Variants in ARIH1 observed in about 807,000 individuals in gnomAD.
The protein encoded by ARIH1 is E3 ubiquitin-protein ligase ARIH1.
Under a neutral mutation model 85.0 loss-of-function variants are expected in ARIH1, and 8 were observed. That is an observed-to-expected ratio of 0.09 (90% CI 0.06 to 0.17). ARIH1 has a LOEUF of 0.17. ARIH1 is among the 10% of genes least tolerant of loss of function. ARIH1 has a pLI of 1.00. For missense variants in ARIH1, 311 were observed against 718.1 expected, an observed-to-expected ratio of 0.43 and a Z score of 6.48; for synonymous variants, 238 against 253.6, an observed-to-expected ratio of 0.94 and a Z score of 0.59.
At chr15:72,546,089 C>G (rs916661510) in intron 3 of ARIH1, among the ~76,000 whole-genome samples, 2 of 152,064 alleles carry the variant, frequency 1.3e-5, no homozygotes, top group African/African-American at 4.8e-5. Flanking sequence ...AGTGTTATGG[C>G]TATTCACAGG....
chr15:72,475,191 C>T (rs528800456), intron 1 of ARIH1, 177 bp downstream of exon 1: 1 of 1,317,556 alleles, frequency 7.6e-7, no homozygotes, highest in African/African-American at 1.5e-5. Context: ...AGAGGTTCGC[C>T]GATTAGCCGG....
intron 6 of ARIH1, 114 bp downstream of exon 6, chr15:72,561,663 C>G: frequency 1.5e-6 from 1 of 677,248 alleles, no homozygotes; most frequent in South Asian, 2.2e-5. Flanking sequence ...ATTTATGAAG[C>G]ATGCCAAAAT....
chr15:72,549,602 A>G (rs1452633849), intron 3 of ARIH1, among the ~76,000 whole-genome samples: 1 of 152,096 alleles, frequency 6.6e-6, no homozygotes. Context: ...TTTTACACAC[A>G]AGGGAACCGA....
intron 3 of ARIH1, among the ~76,000 whole-genome samples, chr15:72,545,672 C>CA (rs2064125777): frequency 6.6e-6 from 1 of 152,118 alleles, no homozygotes; most frequent in South Asian, 2.1e-4. Context: ...ACTAAAAATA[C>CA]AAAAAAATTA....
At chr15:72,517,555 G>T (rs2464688) in intron 1 of ARIH1, among the ~76,000 whole-genome samples, 1 of 151,948 alleles carries the variant, frequency 6.6e-6, no homozygotes, top group East Asian at 1.9e-4. Flanking sequence ...CTCCCAAGTA[G>T]CTGGGACTAC....
chr15:72,555,130 C>T (rs1463782077), intron 3 of ARIH1, 141 bp from the exon 4 acceptor site: 26 of 612,658 alleles, frequency 4.2e-5, no homozygotes, highest in Non-Finnish European at 2.9e-6. Flanking sequence ...ATGAAAAGTT[C>T]ATTTTAGGAG....
At chr15:72,502,034 C>T (rs186694526) in intron 1 of ARIH1, among the ~76,000 whole-genome samples, 436 of 152,220 alleles carry the variant, frequency 2.9e-3, no homozygotes, top group Non-Finnish European at 4.2e-3. Flanking sequence ...GATGCAAAGT[C>T]ATAGACTGCT....
At chr15:72,574,508 T>TACCATCA (rs2064261415) in intron 11 of ARIH1, among the ~76,000 whole-genome samples, 1 of 152,238 alleles carries the variant, frequency 6.6e-6, no homozygotes, top group South Asian at 2.1e-4. Context: ...TCCTTGATGG[T>TACCATCA]ACCTTGACTG....
At chr15:72,561,462 T>C in intron 5 of ARIH1, 21 bp from the exon 6 acceptor site, 1 of 1,534,236 alleles carries the variant, frequency 6.5e-7, no homozygotes, top group Non-Finnish European at 8.9e-7. Context: ...CTTTCTAATC[T>C]ATTTTTATTC....
chr15:72,571,904 T>G (rs2064249351), intron 10 of ARIH1, among the ~76,000 whole-genome samples: 1 of 152,194 alleles, frequency 6.6e-6, no homozygotes, highest in Non-Finnish European at 1.5e-5. Context: ...AAACACTAGA[T>G]AGGGTTAGAA....
At chr15:72,577,634 TTGCACTCTAGCCTG>T (rs1381249503) in intron 11 of ARIH1, among the ~76,000 whole-genome samples, 1 of 151,986 alleles carries the variant, frequency 6.6e-6, no homozygotes, top group Non-Finnish European at 1.5e-5. Context: ...GATCGCACCA[TTGCACTCTAGCCTG>T]TGCGACAGAG....
At chr15:72,525,644 A>G (rs1246284618) in intron 2 of ARIH1, among the ~76,000 whole-genome samples, 1 of 152,242 alleles carries the variant, frequency 6.6e-6, no homozygotes, top group Non-Finnish European at 1.5e-5. Flanking sequence ...TAACTATTAA[A>G]GTGATTGCCC....
chr15:72,536,381 G>A (rs1477349391), intron 2 of ARIH1, among the ~76,000 whole-genome samples: 4 of 152,094 alleles, frequency 2.6e-5, no homozygotes, highest in Non-Finnish European at 4.4e-5. Context: ...AGGCTCACTA[G>A]CTACTGCACA....
chr15:72,497,264 A>G (rs569988926), intron 1 of ARIH1, among the ~76,000 whole-genome samples: 8 of 152,292 alleles, frequency 5.3e-5, no homozygotes, highest in Non-Finnish European at 8.8e-5. Flanking sequence ...ATGTGTGTAT[A>G]TTTATGTGTT....
chr15:72,481,867 TTC>T (rs1215005784), intron 1 of ARIH1, among the ~76,000 whole-genome samples: 1 of 152,166 alleles, frequency 6.6e-6, no homozygotes, highest in Non-Finnish European at 1.5e-5. Flanking sequence ...ACAGAGTCTT[TTC>T]TCTCTTGCCC....
intron 1 of ARIH1, among the ~76,000 whole-genome samples, chr15:72,508,777 T>A (rs2063936894): frequency 6.7e-6 from 1 of 148,966 alleles, no homozygotes. Flanking sequence ...CACTGCAACC[T>A]CCACGTCCCG....
intron 1 of ARIH1, among the ~76,000 whole-genome samples, chr15:72,487,323 T>C (rs1354141728): frequency 6.6e-6 from 1 of 152,220 alleles, no homozygotes; most frequent in Non-Finnish European, 1.5e-5. Context: ...GTCATACTTA[T>C]AACTCAGATA....
intron 1 of ARIH1, among the ~76,000 whole-genome samples, chr15:72,500,763 A>G (rs1193340562): frequency 3.3e-5 from 5 of 152,234 alleles, no homozygotes; most frequent in Non-Finnish European, 5.9e-5. Context: ...ATTTAGCATA[A>G]AAGTAAATAC....
chr15:72,559,429 T>C (rs2064188475), intron 5 of ARIH1, among the ~76,000 whole-genome samples: 1 of 151,952 alleles, frequency 6.6e-6, no homozygotes, highest in African/African-American at 2.4e-5. Context: ...GCCACCATGC[T>C]CGGCTAATTT....
Sources: gnomAD v4.1 joint callset for allele counts (sites outside exome capture counted in the v4.1 genomes callset) on GRCh38, gnomAD v4.1.1 for gene constraint, MANE v1.5 for transcripts, NCBI Gene and HGNC (gene_info 2026-07-23, HGNC 2026-07-21) for gene names.